Variants in PRDM16 observed in about 807,000 individuals in gnomAD.
The protein encoded by PRDM16 is PR/SET domain 16.
In PRDM16, 23 loss-of-function variants were observed where a neutral mutation model predicts 110.6. The ratio of observed to expected loss-of-function variants is 0.21; its 90% CI spans 0.15 to 0.29. PRDM16 has a LOEUF of 0.29. Among genes scored for constraint, PRDM16 ranks in the 10% least tolerant of loss-of-function variants. The pLI is 1.00. For synonymous variants in PRDM16, 799 were observed against 781.8 expected (o/e 1.02, Z -0.37); for missense variants, 1,615 against 1,794.3 (o/e 0.90, Z 1.81).
At chr1:3,411,070 A>C (rs1643677168) in intron 8 of PRDM16, among the ~76,000 whole-genome samples, 1 of 152,098 alleles carries the variant, frequency 6.6e-6, no homozygotes, top group African/African-American at 2.4e-5. Flanking sequence ...ATGTTTCCAC[A>C]TGCTCATGTG....
chr1:3,404,454 CG>C (rs1643525541), intron 6 of PRDM16, among the ~76,000 whole-genome samples: 1 of 152,230 alleles, frequency 6.6e-6, no homozygotes, highest in Non-Finnish European at 1.5e-5. Context: ...GAGTGTGGGC[CG>C]GGGTCCGGCA....
chr1:3,402,730 CCT>C (rs1367780820), intron 5 of PRDM16, 59 bp from the exon 6 acceptor site: 1 of 1,495,240 alleles, frequency 6.7e-7, no homozygotes, highest in African/African-American at 1.4e-5. Context: ...TCCAGAGTCC[CCT>C]GATAGCCCTG....
At chr1:3,263,256 T>C (rs1640211002) in intron 3 of PRDM16, among the ~76,000 whole-genome samples, 1 of 152,168 alleles carries the variant, frequency 6.6e-6, no homozygotes, top group Non-Finnish European at 1.5e-5. Context: ...GCCGGGACAC[T>C]GTGTCTAAGG....
At chr1:3,266,911 C>T (rs1030916568) in intron 3 of PRDM16, among the ~76,000 whole-genome samples, 2 of 152,216 alleles carry the variant, frequency 1.3e-5, no homozygotes, top group African/African-American at 4.8e-5. Context: ...CTCCTGACCT[C>T]AGGTGATCCA....
rs1638596726 is a variant in PRDM16, at chr1:3,426,086, G to A, written c.3145G>A (p.Gly1049Arg). 2 of 1,613,804 alleles carry A rather than the reference G, an allele frequency of 1.2e-6. No individual in the cohort carries two copies. The highest frequency in any genetic ancestry group is 1.7e-6 in the Non-Finnish European group (2 of 1,179,958). The stretch of plus-strand genomic sequence containing the variant: ...CCCCGGGGTCCTCACGAACCACCTG[G>A]GGACCAGCGCGTCCTCTCCCACCTC... ...QHPGVLTNHL[G>R]TSASSPTSES... Residue 1049 changes from glycine to arginine, a missense_variant, in exon 14 of 17, where the codon GGG (glycine) becomes AGG (arginine). Physicochemically the swap from Gly to Arg is moderately radical, Grantham distance 125. Transcript: ENST00000270722.
At chr1:3,181,841 TACAC>T (rs1172840250) in intron 1 of PRDM16, among the ~76,000 whole-genome samples, 2 of 93,128 alleles carry the variant, frequency 2.1e-5, no homozygotes, top group Admixed American at 1.3e-4. Flanking sequence ...CATTCAGTCT[TACAC>T]ACGGTCTTAC....
rs184897513 is a variant in PRDM16, at chr1:3,311,759, C to G, written c.438+67622C>G. Among the ~76,000 whole-genome samples, 281 of 152,314 alleles carry G rather than the reference C, an allele frequency of 1.8e-3. 1 individual carries two copies. Among genetic ancestry groups the G allele is most frequent in the South Asian group, 1.0e-2 (48 of 4,820 alleles). ...GAGTGATCTGGGGTCCATCTGCCTCCTTCCCCAAGGAAGCTTGGGTTCGAC... is the reference window on the plus strand; with the variant it reads ...GAGTGATCTGGGGTCCATCTGCCTCGTTCCCCAAGGAAGCTTGGGTTCGAC... On this transcript the variant is annotated intron_variant, in intron 3 of 16. Coordinates refer to ENST00000270722, the MANE Select transcript of PRDM16 (RefSeq NM_022114.4).
intron 3 of PRDM16, among the ~76,000 whole-genome samples, chr1:3,276,753 C>T (rs1640594786): frequency 5.0e-5 from 1 of 19,986 alleles, no homozygotes; most frequent in African/African-American, 3.3e-4. Context: ...CCCCTTTCTC[C>T]CTGGAGAACA....
chr1:3,189,717 C>T (rs543833014), intron 2 of PRDM16, among the ~76,000 whole-genome samples: 5 of 152,178 alleles, frequency 3.3e-5, no homozygotes, highest in Non-Finnish European at 4.4e-5. Context: ...GCCTAGAGCA[C>T]GGTGTTGTGG....
At position 3,157,920 on chromosome 1, in the gene PRDM16, G is replaced by A. The variant is rs914077938; in HGVS notation, c.38-28205G>A. 1.3e-5 allele frequency among the ~76,000 whole-genome samples: 2 copies of A among 152,174 alleles called. No individual in the cohort carries two copies. The highest frequency in any genetic ancestry group is 2.4e-5 in the African/African-American group (1 of 41,426). ...CACTTAAACCTCTCTTTTGACAGAG[G>A]ACAGATATATTACGAAAATTACAAA... On this transcript the variant is annotated intron_variant, in intron 1 of 16. Coordinates refer to ENST00000270722, the MANE Select transcript of PRDM16 (RefSeq NM_022114.4). The surrounding 1 kb of genome is among the most constrained non-coding windows in gnomAD (Gnocchi z 4.8).
intron 3 of PRDM16, among the ~76,000 whole-genome samples, chr1:3,371,418 C>T (rs1642906744): frequency 6.6e-6 from 1 of 151,754 alleles, no homozygotes; most frequent in African/African-American, 2.4e-5. Context: ...ACCCATTCAT[C>T]CATTCATCAT....
At chr1:3,292,155 G>A (rs543577928) in intron 3 of PRDM16, among the ~76,000 whole-genome samples, 28 of 152,364 alleles carry the variant, frequency 1.8e-4, no homozygotes, top group African/African-American at 6.3e-4. Context: ...CCTTGGGCAC[G>A]TGACGGATTT....
intron 1 of PRDM16, among the ~76,000 whole-genome samples, chr1:3,129,532 T>A (rs1210691724): frequency 6.6e-6 from 1 of 152,132 alleles, no homozygotes; most frequent in African/African-American, 2.4e-5. Context: ...CCAGGGCTGC[T>A]GAGGGCACCT....
At chr1:3,393,596 G>T (rs987937998) in intron 4 of PRDM16, among the ~76,000 whole-genome samples, 2 of 152,324 alleles carry the variant, frequency 1.3e-5, no homozygotes, top group African/African-American at 4.8e-5. Flanking sequence ...GCAGACGCCC[G>T]GTTCCCACCG....
At position 3,328,167 on chromosome 1, in the gene PRDM16, A is replaced by G. The variant is rs1641959149; in HGVS notation, c.439-56985A>G. ...AGCCAGGCCTGCGAGAAGCTCCAAGATGCCCCCTGTCCCCAGGCACCACAG... is the reference window on the plus strand; with the variant it reads ...AGCCAGGCCTGCGAGAAGCTCCAAGGTGCCCCCTGTCCCCAGGCACCACAG... On this transcript the variant is annotated intron_variant, in intron 3 of 16. Coordinates refer to ENST00000270722, the MANE Select transcript of PRDM16 (RefSeq NM_022114.4). Among the ~76,000 whole-genome samples the G allele has an allele frequency of 2.0e-5, 3 of 152,188 alleles. 1 individual carries two copies. The highest frequency in any genetic ancestry group is 4.4e-5 in the Non-Finnish European group (3 of 68,022).
intron 11 of PRDM16, 60 bp from the exon 12 acceptor site, chr1:3,418,607 A>G: frequency 8.7e-7 from 1 of 1,154,366 alleles, no homozygotes; most frequent in South Asian, 1.2e-5. Context: ...CATTTCTGGG[A>G]AATGGCCATG....
intron 1 of PRDM16, among the ~76,000 whole-genome samples, chr1:3,128,620 G>A (rs988583823): frequency 1.3e-5 from 2 of 152,204 alleles, no homozygotes; most frequent in African/African-American, 4.8e-5. Flanking sequence ...GTGACCGGCC[G>A]GTGAGCTGTG....
At chr1:3,273,976 T>TAA (rs927412647) in intron 3 of PRDM16, among the ~76,000 whole-genome samples, 1,721 of 68,358 alleles carry the variant, frequency 0.025, 99 homozygotes, top group African/African-American at 0.074. Context: ...TATGGGGAGG[T>TAA]AAAAAAAAAA....
chr1:3,073,034 G>A (rs576562060), intron 1 of PRDM16, among the ~76,000 whole-genome samples: 55 of 152,312 alleles, frequency 3.6e-4, no homozygotes, highest in Admixed American at 1.0e-3. Flanking sequence ...ACGCCCACTC[G>A]GGGGGTCCTC....
Sources: allele counts gnomAD v4.1 joint callset (sites outside exome capture counted in the v4.1 genomes callset), GRCh38; gene constraint gnomAD v4.1.1; non-coding constraint Gnocchi (gnomAD v3.1); transcripts MANE v1.5; gene names NCBI Gene and HGNC (gene_info 2026-07-23, HGNC 2026-07-21).